The following DOCK3 variants were observed in gnomAD, a reference collection of about 807,000 sequenced individuals.
The protein encoded by DOCK3 is dedicator of cytokinesis protein 3.
In DOCK3, 60 loss-of-function variants were observed where a neutral mutation model predicts 265.6. The ratio of observed to expected loss-of-function variants is 0.23; its 90% CI spans 0.18 to 0.28. DOCK3 has a LOEUF of 0.28. DOCK3 is among the 10% of genes least tolerant of loss of function. DOCK3 has a pLI of 1.00. For synonymous variants in DOCK3, 881 were observed against 938.0 expected (o/e 0.94, Z 1.11); for missense variants, 1,981 against 2,594.3 (o/e 0.76, Z 5.14).
intron 21 of DOCK3, 141 bp from the exon 22 acceptor site, chr3:51,246,585 A>C: frequency 2.7e-6 from 2 of 738,508 alleles, no homozygotes; most frequent in South Asian, 3.6e-5. Flanking sequence ...TGAATAGTCC[A>C]AAGCTGTAAT....
rs769922122 is a variant in DOCK3, at chr3:51,246,736, C to T, written c.2113C>T (p.Arg705Cys). The T allele has an allele frequency of 4.3e-6, 7 of 1,612,864 alleles. No homozygotes were observed. The highest frequency in any genetic ancestry group is 1.1e-5 in the South Asian group (1 of 90,764). ...TGTTCTCTTTCCCAGGGAGCTCATCCGCTGTTTGAAGTGGTATATGGACTG... is the reference window on the plus strand; with the variant it reads ...TGTTCTCTTTCCCAGGGAGCTCATCTGCTGTTTGAAGTGGTATATGGACTG... Reference protein sequence around the residue: ...AGALAYKELIRCLKWYMDCSA... With the variant: ...AGALAYKELICCLKWYMDCSA... The change falls in exon 22 of 53, where the codon CGC becomes TGC. Residue 705 changes from arginine (R) to cysteine (C), a missense_variant. Physicochemically the swap from Arg to Cys is radical, Grantham distance 180. Coordinates refer to ENST00000266037, the MANE Select transcript of DOCK3 (RefSeq NM_004947.5).
chr3:51,044,483 A>G (rs186146396), intron 5 of DOCK3, among the ~76,000 whole-genome samples: 1 of 152,034 alleles, frequency 6.6e-6, no homozygotes, highest in East Asian at 1.9e-4. Flanking sequence ...AATGGGTACT[A>G]GGCTTAATAC....
intron 12 of DOCK3, among the ~76,000 whole-genome samples, chr3:51,195,007 A>G (rs2088192440): frequency 6.6e-6 from 1 of 151,616 alleles, no homozygotes; most frequent in Admixed American, 6.6e-5. Context: ...TTGTATTTTT[A>G]GTAGAGACGG....
intron 5 of DOCK3, among the ~76,000 whole-genome samples, chr3:51,005,070 T>C (rs958429955): frequency 2.6e-5 from 4 of 151,920 alleles, no homozygotes; most frequent in Admixed American, 6.6e-5. Flanking sequence ...CTGTTTATGA[T>C]GTCATATCAT....
intron 5 of DOCK3, among the ~76,000 whole-genome samples, chr3:51,024,803 T>C (rs568206849): frequency 1.9e-4 from 29 of 152,288 alleles, no homozygotes; most frequent in African/African-American, 6.0e-4. Context: ...TGAGATTCCT[T>C]GGTTGTAGAT....
chr3:51,303,230 A>G (rs764724347), intron 27 of DOCK3, among the ~76,000 whole-genome samples: 1 of 151,706 alleles, frequency 6.6e-6, no homozygotes, highest in Non-Finnish European at 1.5e-5. Flanking sequence ...TTACACTGTG[A>G]AGTTCTCATG....
At chr3:50,995,278 T>G (rs1217054651) in intron 5 of DOCK3, among the ~76,000 whole-genome samples, 1 of 152,236 alleles carries the variant, frequency 6.6e-6, no homozygotes, top group Non-Finnish European at 1.5e-5. Flanking sequence ...AGTTGCCAGC[T>G]GTTAGTTTCT....
chr3:51,076,875 T>G (rs1021217386), intron 7 of DOCK3, among the ~76,000 whole-genome samples: 5 of 152,182 alleles, frequency 3.3e-5, no homozygotes, highest in Admixed American at 6.5e-5. Context: ...ATTTCATAAC[T>G]TCGGCATAGA....
intron 4 of DOCK3, among the ~76,000 whole-genome samples, chr3:50,933,123 G>A (rs752100057): frequency 5.3e-5 from 8 of 152,128 alleles, no homozygotes; most frequent in Non-Finnish European, 7.3e-5. Flanking sequence ...GACCCACCCC[G>A]ATGATTCAGT....
In DOCK3 at chr3:50,800,610, C is replaced by CA. The variant is rs567619173; in HGVS notation, c.121+21860dup. ...ATGGTTTACCAATTTTATTTATTTT[C>CA]AAAAAAAACAACTTTTAGTTTTGTT... On this transcript the variant is annotated intron_variant, in intron 2 of 52. Coordinates refer to ENST00000266037, the MANE Select transcript of DOCK3 (RefSeq NM_004947.5). Among the ~76,000 whole-genome samples, 314 of 150,740 alleles carry CA rather than the reference C, an allele frequency of 2.1e-3. 1 individual carries two copies. Among genetic ancestry groups the CA allele is most frequent in the Admixed American group, 9.9e-3 (151 of 15,176 alleles).
intron 9 of DOCK3, among the ~76,000 whole-genome samples, chr3:51,092,686 G>A (rs1158002028): frequency 6.6e-6 from 1 of 152,152 alleles, no homozygotes; most frequent in Non-Finnish European, 1.5e-5. Flanking sequence ...GCCTCCTCAA[G>A]TGGGTCCCTG....
At chr3:51,172,259 T>A (rs2086720060) in intron 12 of DOCK3, among the ~76,000 whole-genome samples, 1 of 151,588 alleles carries the variant, frequency 6.6e-6, no homozygotes, top group African/African-American at 2.4e-5. Context: ...CACTGCAACC[T>A]CCGCCTCCCG....
At chr3:50,695,310 A>G (rs1271889660) in intron 1 of DOCK3, among the ~76,000 whole-genome samples, 13 of 152,390 alleles carry the variant, frequency 8.5e-5, no homozygotes, top group Admixed American at 7.8e-4. Context: ...TTTTACCTCA[A>G]ATACTGGCTT....
chr3:50,786,846 C>T (rs1007031379), intron 2 of DOCK3: 28 of 740,758 alleles, frequency 3.8e-5, no homozygotes, highest in South Asian at 9.5e-5. Flanking sequence ...TGAAACCTTT[C>T]GTCACAGTTC....
Position 51,244,672 on chromosome 3 carries a change from C to A in DOCK3, c.2103-2054C>A, listed in dbSNP as rs906259970. On this transcript the variant is annotated intron_variant, in intron 21 of 52. Coordinates refer to ENST00000266037, the MANE Select transcript of DOCK3 (RefSeq NM_004947.5). ...TTTTCAATTTGAATGTCTTTGATTT[C>A]TTTTTCTTGCCTAATTTCACTGGCT... 2.0e-5 allele frequency among the ~76,000 whole-genome samples: 3 copies of A among 152,214 alleles called. No individual in the cohort carries two copies. The East Asian group carries it at 5.8e-4, about 29-fold the overall frequency.
intron 22 of DOCK3, among the ~76,000 whole-genome samples, chr3:51,256,024 G>A (rs2079525459): frequency 6.6e-6 from 1 of 152,166 alleles, no homozygotes; most frequent in African/African-American, 2.4e-5. Context: ...GGTCTTTGAT[G>A]ATGGTGACAT....
intron 6 of DOCK3, among the ~76,000 whole-genome samples, chr3:51,074,882 G>A (rs1473977927): frequency 6.6e-6 from 1 of 152,028 alleles, no homozygotes; most frequent in African/African-American, 2.4e-5. Flanking sequence ...AATGAATAAA[G>A]AGAAAAAGAT....
intron 5 of DOCK3, among the ~76,000 whole-genome samples, chr3:50,959,550 GTGTGTGTGTATA>G (rs2076826655): frequency 7.0e-6 from 1 of 142,998 alleles, no homozygotes; most frequent in Non-Finnish European, 1.5e-5. Context: ...GTGTGTGTGT[GTGTGTGTGTATA>G]TATATATAAA....
At chr3:51,369,187 ATGACTT>A (rs1345994338) in intron 49 of DOCK3, among the ~76,000 whole-genome samples, 1 of 152,266 alleles carries the variant, frequency 6.6e-6, no homozygotes, top group African/African-American at 2.4e-5. Flanking sequence ...TGGATGGAGA[ATGACTT>A]TGACAAGTTG....
Sources: gnomAD v4.1 joint callset for allele counts (sites outside exome capture counted in the v4.1 genomes callset) on GRCh38, gnomAD v4.1.1 for gene constraint, MANE v1.5 for transcripts, NCBI Gene and HGNC (gene_info 2026-07-23, HGNC 2026-07-21) for gene names.